ATP2A3: variants seen among roughly 807,000 people sequenced by gnomAD.
The protein encoded by ATP2A3 is ATPase sarcoplasmic/endoplasmic reticulum Ca2+ transporting 3.
ATP2A3 carries 61 observed loss-of-function variants against 106.8 expected under a neutral mutation model. That is an observed-to-expected ratio of 0.57 (90% CI 0.46 to 0.71). The LOEUF (loss-of-function observed/expected upper bound fraction) is 0.71, where lower values mean the gene tolerates loss of function less well. Ranked by LOEUF, ATP2A3 falls within the 30% of genes least tolerant of loss-of-function variation. The pLI is 0.00. For missense variants in ATP2A3, 1,201 were observed against 1,423.5 expected, an observed-to-expected ratio of 0.84 and a Z score of 2.52; for synonymous variants, 611 against 609.3, an observed-to-expected ratio of 1.00 and a Z score of -0.04.
At chr17:3,959,880 C>T (rs868559991) in intron 1 of ATP2A3, among the ~76,000 whole-genome samples, 48 of 152,226 alleles carry the variant, frequency 3.2e-4, no homozygotes, top group African/African-American at 1.1e-3. Context: ...GAAGGGTTTG[C>T]TCAACATCTC....
intron 1 of ATP2A3, among the ~76,000 whole-genome samples, chr17:3,960,130 A>C (rs948493147): frequency 1.3e-5 from 2 of 152,156 alleles, no homozygotes; most frequent in African/African-American, 4.8e-5. Flanking sequence ...CATCCCTGCT[A>C]TCCTGAGGAG....
chr17:3,938,440 T>C (rs1178412483), intron 14 of ATP2A3, among the ~76,000 whole-genome samples: 5 of 150,410 alleles, frequency 3.3e-5, no homozygotes, highest in African/African-American at 4.9e-5. Flanking sequence ...TCTAAAAAAA[T>C]TGAAGGCCAG....
chr17:3,950,818 C>G (rs969813639), intron 5 of ATP2A3, 45 bp from the exon 6 acceptor site: 2 of 1,582,198 alleles, frequency 1.3e-6, no homozygotes, highest in African/African-American at 2.7e-5. Flanking sequence ...TTGGGCACCA[C>G]CAGCTGGGAA....
At chr17:3,933,812 GC>G (rs1194618163) in intron 17 of ATP2A3, among the ~76,000 whole-genome samples, 1 of 151,640 alleles carries the variant, frequency 6.6e-6, no homozygotes, top group African/African-American at 2.4e-5. Flanking sequence ...CCCTGGAGGA[GC>G]CCATTTCTAC....
chr17:3,951,804 C>T, intron 3 of ATP2A3, 119 bp from the exon 4 acceptor site: 1 of 1,072,410 alleles, frequency 9.3e-7, no homozygotes, highest in Non-Finnish European at 1.4e-6. Context: ...CACTGGGGAG[C>T]TCTTGGCTTG....
At chr17:3,950,900 A>G in intron 5 of ATP2A3, 127 bp from the exon 6 acceptor site, 1 of 958,266 alleles carries the variant, frequency 1.0e-6, no homozygotes, top group Non-Finnish European at 1.6e-6. Flanking sequence ...CGCTCTGGTG[A>G]CCCCTGCCCC....
Position 3,927,801 on chromosome 17 carries a change from GATCT to G in ATP2A3, c.2980+858_2980+861del, listed in dbSNP as rs2052794709. On this transcript the variant is annotated intron_variant, in intron 20 of 20. Transcript: ENST00000397041. ...AGCCCCTAGGGAATGACAGACGCGT[GATCT>G]ATTTATAGTCCCTCCACCCACTCCC... 3.0e-6 allele frequency: 3 copies of G among 985,358 alleles called. No homozygotes were observed. The African/African-American group carries it at 5.2e-5, about 17-fold the overall frequency. 61.0% of individuals were successfully genotyped at this position (985,358 alleles called of 1,614,324 possible).
In ATP2A3 at chr17:3,936,996, G is replaced by A; in HGVS notation, c.2321+420C>T. 1 of 329,582 alleles carries A rather than the reference G, an allele frequency of 3.0e-6. No homozygotes were observed. The highest frequency in any genetic ancestry group is 7.8e-5 in the East Asian group (1 of 12,860). 20.4% of individuals were successfully genotyped at this position (329,582 alleles called of 1,614,324 possible). ...TTCTGCTTGTACTCACGCTCAAAATGCACCAGAGCACACATGCAAAATATA... is the reference window on the plus strand; with the variant it reads ...TTCTGCTTGTACTCACGCTCAAAATACACCAGAGCACACATGCAAAATATA... On this transcript the variant is annotated intron_variant, in intron 15 of 20. Transcript: ENST00000397041. The surrounding 1 kb of genome is among the most constrained non-coding windows in gnomAD (Gnocchi z 5.4).
intron 1 of ATP2A3, among the ~76,000 whole-genome samples, chr17:3,961,260 C>A (rs2055120698): frequency 6.6e-6 from 1 of 152,156 alleles, no homozygotes; most frequent in Non-Finnish European, 1.5e-5. Flanking sequence ...TTGCACTGTG[C>A]ACATTTTTAT....
At position 3,928,388 on chromosome 17, in the gene ATP2A3, G is replaced by A; in HGVS notation, c.2980+275C>T. On this transcript the variant is annotated intron_variant, in intron 20 of 20. Coordinates refer to ENST00000397041, the MANE Select transcript of ATP2A3 (RefSeq NM_005173.4). This position sits in a 1 kb window ranked among gnomAD's most constrained non-coding sequence, Gnocchi z 6.1. ...GAGCACACAGTGCCCTGGCCATGTA[G>A]GGGGTGGCAGGTGAAGACAGTGAGG... is the stretch of plus-strand genomic sequence containing the variant. The A allele has an allele frequency of 4.0e-6, 6 of 1,496,046 alleles. No homozygotes were observed. The highest frequency in any genetic ancestry group is 5.5e-6 in the Non-Finnish European group (6 of 1,084,114). The allele number at this position is 1,496,046 out of a possible 1,614,324, so 92.7% of individuals were successfully genotyped here. A position where few individuals can be genotyped will look rare whatever the true frequency, so the allele number is the denominator to read the frequency against.
chr17:3,936,262 C>T lies in ATP2A3; in HGVS notation c.2524+5G>A, dbSNP rs768809806. On this transcript the variant is annotated splice_donor_5th_base_variant and intron_variant, in intron 16 of 20. Coordinates refer to ENST00000397041, the MANE Select transcript of ATP2A3 (RefSeq NM_005173.4). The surrounding 1 kb of genome is among the most constrained non-coding windows in gnomAD (Gnocchi z 5.4). ...AATTCCACGGAGGGCTCAGGCCCCA[C>T]TCACCTCCGATAGCCAGGTATCGGA... 6.2e-7 allele frequency: 1 copy of T among 1,613,774 alleles called. No individual in the cohort carries two copies.
intron 20 of ATP2A3, chr17:3,927,952 T>A: frequency 6.2e-7 from 1 of 1,613,178 alleles, no homozygotes; most frequent in Non-Finnish European, 8.5e-7. Flanking sequence ...CCACCGCCTC[T>A]GCGCAAATTC....
intron 1 of ATP2A3, among the ~76,000 whole-genome samples, chr17:3,960,473 C>T (rs2055076265): frequency 6.6e-6 from 1 of 152,240 alleles, no homozygotes; most frequent in African/African-American, 2.4e-5. Context: ...GAACAGAGAC[C>T]ACCCCAGAAG....
In ATP2A3 at chr17:3,935,253, G is replaced by A. The variant is rs1488984967; in HGVS notation, c.2549C>T (p.Ala850Val). The A allele has an allele frequency of 6.2e-7, 1 of 1,613,878 alleles. No individual in the cohort carries two copies. Among genetic ancestry groups the A allele is most frequent in the Admixed American group, 1.7e-5 (1 of 60,028 alleles). ...ATACACAAACCACCAGGTGGCGGCA[G>A]CCACTGTGGCCAGGCCTACGTACAC... is the stretch of plus-strand genomic sequence containing the variant. ...IGVYVGLATV[A>V]AATWWFVYDA... Residue 850 changes from alanine (A) to valine (V), a missense_variant, in exon 17 of 21, where the codon GCT becomes GTT. Ala to Val is a moderately conservative substitution (Grantham distance 64). Around this residue, in one of 2 missense-constraint regions of ATP2A3, gnomAD observed 935 missense variants for 1,176.7 expected, o/e 0.79. Coordinates refer to ENST00000397041, the MANE Select transcript of ATP2A3 (RefSeq NM_005173.4).
chr17:3,934,215 C>T (rs781727592), intron 17 of ATP2A3, among the ~76,000 whole-genome samples: 12 of 151,596 alleles, frequency 7.9e-5, no homozygotes, highest in African/African-American at 2.7e-4. Flanking sequence ...TGAGCCACCG[C>T]GGCAGGATGT....
chr17:3,958,809 T>TATATATACACAC (rs1229526062), intron 1 of ATP2A3, among the ~76,000 whole-genome samples: 3 of 140,016 alleles, frequency 2.1e-5, no homozygotes, highest in Non-Finnish European at 4.7e-5. Context: ...TATACACACA[T>TATATATACACAC]ATATATATAC....
chr17:3,957,131 C>T (rs573717038), intron 1 of ATP2A3, among the ~76,000 whole-genome samples: 11 of 152,380 alleles, frequency 7.2e-5, no homozygotes, highest in African/African-American at 2.4e-4. Context: ...ATAGCAGCAG[C>T]AGCTGGTGGT....
intron 14 of ATP2A3, among the ~76,000 whole-genome samples, chr17:3,940,671 C>A (rs545164135): frequency 3.3e-5 from 5 of 152,234 alleles, no homozygotes; most frequent in Non-Finnish European, 5.9e-5. Flanking sequence ...CCACGCCCCG[C>A]TAATTTTTGT....
chr17:3,936,559 TCA>T lies in ATP2A3; in HGVS notation c.2322-92_2322-91del. 1 of 1,405,472 alleles carries T rather than the reference TCA, an allele frequency of 7.1e-7. No homozygotes were observed. 87.1% of individuals were successfully genotyped at this position (1,405,472 alleles called of 1,614,324 possible). A position where few individuals can be genotyped will look rare whatever the true frequency, so the allele number is the denominator to read the frequency against. Reference sequence around the variant, plus strand: ...CCTGCTCAGACCCAAGGCTGGGAGCTCACCCACCCACTGTCTCCACAGCAGCC... The same window carrying T: ...CCTGCTCAGACCCAAGGCTGGGAGCTCCCACCCACTGTCTCCACAGCAGCC... On this transcript the variant is annotated intron_variant, in intron 15 of 20. Coordinates refer to ENST00000397041, the MANE Select transcript of ATP2A3 (RefSeq NM_005173.4). The surrounding 1 kb of genome is among the most constrained non-coding windows in gnomAD (Gnocchi z 5.4).
Sources: gnomAD v4.1 joint callset for allele counts (sites outside exome capture counted in the v4.1 genomes callset) on GRCh38, gnomAD v4.1.1 for gene constraint, gnomAD v4.1.1 regional missense constraint, Gnocchi (gnomAD v3.1) non-coding constraint, MANE v1.5 for transcripts, NCBI Gene and HGNC (gene_info 2026-07-23, HGNC 2026-07-21) for gene names.